Variants in HPS6 observed in about 807,000 individuals in gnomAD.
The protein encoded by HPS6 is HPS6 biogenesis of lysosomal organelles complex 2 subunit 3.
HPS6 carries 46 observed loss-of-function variants against 53.6 expected under a neutral mutation model. The observed-to-expected ratio is 0.86, with a 90% CI of 0.68 to 1.10. HPS6 has a LOEUF of 1.10. Among genes scored for constraint, HPS6 ranks in the 50% least tolerant of loss-of-function variants. HPS6 has a pLI of 0.00. For missense variants in HPS6, 1,034 were observed against 991.3 expected (o/e 1.04, Z -0.58); for synonymous variants, 535 against 470.8 (o/e 1.14, Z -1.77).
At position 102,066,520 on chromosome 10, in the gene HPS6, G is replaced by T; in HGVS notation, c.1046G>T (p.Ser349Ile). 6.2e-7 allele frequency: 1 copy of T among 1,614,214 alleles called. No homozygotes were observed. The highest frequency in any genetic ancestry group is 8.5e-7 in the Non-Finnish European group (1 of 1,180,036). Residue 349 changes from serine to isoleucine, a missense_variant, in exon 1 of 1, where the codon AGT becomes ATT. Physicochemically the swap from Ser to Ile is moderately radical, Grantham distance 142. Transcript: ENST00000299238. ...CAGCTGCTGGAGAGGAAGGTCCTAA[G>T]TACAGACAGGGTACATCTGCTAGAA... ...SGQLLERKVL[S>I]TDRVHLLEPP... is the part of the protein sequence containing the mutation.
chr10:102,065,455 C>T lies in HPS6; in HGVS notation c.-20C>T, dbSNP rs1364234553. 1.3e-6 allele frequency: 2 copies of T among 1,546,264 alleles called. No homozygotes were observed. The highest frequency in any genetic ancestry group is 1.7e-6 in the Non-Finnish European group (2 of 1,157,700). On this transcript the variant is annotated 5_prime_UTR_variant, in exon 1 of 1. Transcript: ENST00000299238. ...GCTGGACCTGGGCAAAGCCTGGGCGCGCTCCCGCGCAGCGGCGCCATGAAG... is the reference window on the plus strand; with the variant it reads ...GCTGGACCTGGGCAAAGCCTGGGCGTGCTCCCGCGCAGCGGCGCCATGAAG...
Position 102,065,935 on chromosome 10 carries a change from C to T in HPS6, c.461C>T (p.Ser154Leu), listed in dbSNP as rs779131347. ...GCCCGGGCCGAGGGCCCGTCAGGGTCGCCAGCAGCCGCTTTCAGCCACTGT... is the reference window on the plus strand; with the variant it reads ...GCCCGGGCCGAGGGCCCGTCAGGGTTGCCAGCAGCCGCTTTCAGCCACTGT... ...RQARAEGPSGSPAAAFSHCVC... is the reference protein window; with the variant it reads ...RQARAEGPSGLPAAAFSHCVC... The change falls in exon 1 of 1, where the codon TCG becomes TTG. Residue 154 changes from serine to leucine, a missense_variant. Transcript: ENST00000299238. The T allele has an allele frequency of 3.8e-6, 6 of 1,570,676 alleles. No homozygotes were observed. The highest frequency in any genetic ancestry group is 5.1e-6 in the Non-Finnish European group (6 of 1,167,930).
rs754843984 is a variant in HPS6 at position 102,067,608 on chromosome 10, C to T, written c.2134C>T (p.Leu712Phe). 3.1e-6 allele frequency: 5 copies of T among 1,613,788 alleles called. No individual in the cohort carries two copies. The South Asian group carries it at 3.3e-5, about 11-fold the overall frequency. The change falls in exon 1 of 1, where the codon CTC becomes TTC. Residue 712 changes from leucine to phenylalanine, a missense_variant. Leu to Phe is a conservative substitution (Grantham distance 22). Coordinates refer to ENST00000299238, the MANE Select transcript of HPS6 (RefSeq NM_024747.6). ...GCTCCTGCTTCTACTGAGGACATAC[C>T]TCCCAGATGAGGTGGGGCCCCCAAC... The part of the protein sequence containing the change: ...AELLLLLRTY[L>F]PDEVGPPTPF...
rs1300932704 is a variant in HPS6, at chr10:102,066,986, C to A, written c.1512C>A (p.Ala504=). The change falls in exon 1 of 1, where the codon GCC becomes GCA. Residue 504 remains alanine, a synonymous_variant. Coordinates refer to ENST00000299238, the MANE Select transcript of HPS6 (RefSeq NM_024747.6). ...CTGAGTTGATAGGAGACCAGCTAGCCCAGCTCAACACCGTTTTCCAAGCCC... is the reference window on the plus strand; with the variant it reads ...CTGAGTTGATAGGAGACCAGCTAGCACAGCTCAACACCGTTTTCCAAGCCC... ...LRTELIGDQL[A]QLNTVFQALP... The A allele has an allele frequency of 6.2e-7, 1 of 1,614,126 alleles. No individual in the cohort carries two copies.
rs1437166286 is a variant in HPS6, at chr10:102,065,825, C to T, written c.351C>T (p.Ser117=). 3 of 1,514,242 alleles carry T rather than the reference C, an allele frequency of 2.0e-6. No individual in the cohort carries two copies. In the South Asian group the frequency reaches 3.7e-5, roughly 19 times the overall value. The allele number at this position is 1,514,242 out of a possible 1,614,324, so 93.8% of individuals were successfully genotyped here. The change falls in exon 1 of 1, where the codon AGC becomes AGT. Residue 117 remains serine, a synonymous_variant. Transcript: ENST00000299238. ...GVGPGWRPLQ[S]TELCPGGGAR... ...GGCCTGGCTGGCGGCCGCTGCAGAG[C>T]ACCGAGCTGTGTCCGGGCGGGGGAG...
Position 102,067,796 on chromosome 10 carries a change from C to A in HPS6, c.2322C>A (p.Asp774Glu), listed in dbSNP as rs2136335426. 2 of 1,613,088 alleles carry A rather than the reference C, an allele frequency of 1.2e-6. No homozygotes were observed. Among genetic ancestry groups the A allele is most frequent in the Admixed American group, 3.3e-5 (2 of 60,022 alleles). Residue 774 changes from aspartate to glutamate, a missense_variant, in exon 1 of 1, where the codon GAC (aspartate) becomes GAA (glutamate). Asp to Glu is a conservative substitution (Grantham distance 45). Transcript: ENST00000299238. ...CTCCACCCCCGACTCCACCTCGGGACCTATGACTACCCTTCAGGCATCAGA... is the reference window on the plus strand; with the variant it reads ...CTCCACCCCCGACTCCACCTCGGGAACTATGACTACCCTTCAGGCATCAGA... ...PSTPPPTPPR[D>E]L
At position 102,066,890 on chromosome 10, in the gene HPS6, G is replaced by A; in HGVS notation, c.1416G>A (p.Leu472=). Residue 472 remains leucine, a synonymous_variant, in exon 1 of 1, where the codon CTG becomes CTA. Coordinates refer to ENST00000299238, the MANE Select transcript of HPS6 (RefSeq NM_024747.6). ...YRGLEQLKAQ[L]VAGDDEEAGW... is the part of the protein sequence containing the mutation. ...GCTTAGAACAGCTGAAGGCCCAGCTGGTGGCTGGGGATGATGAGGAGGCTG... is the reference window on the plus strand; with the variant it reads ...GCTTAGAACAGCTGAAGGCCCAGCTAGTGGCTGGGGATGATGAGGAGGCTG... The A allele has an allele frequency of 1.2e-6, 2 of 1,614,208 alleles. No homozygotes were observed. Among genetic ancestry groups the A allele is most frequent in the East Asian group, 2.2e-5 (1 of 44,884 alleles).
rs1440768034 is a variant in HPS6, at chr10:102,067,091, A to T, written c.1617A>T (p.Ala539=). The part of the protein sequence containing the change: ...LDGNGKLRSQ[A]PPDVWKKVLG... The stretch of plus-strand genomic sequence containing the variant: ...GGAATGGCAAGCTGAGGTCCCAAGC[A>T]CCCCCTGATGTGTGGAAGAAAGTGT... Residue 539 remains alanine (A), a synonymous_variant, in exon 1 of 1, where the codon GCA becomes GCT. Coordinates refer to ENST00000299238, the MANE Select transcript of HPS6 (RefSeq NM_024747.6). 4.3e-6 allele frequency: 7 copies of T among 1,613,804 alleles called. No homozygotes were observed. The African/African-American group carries it at 8.0e-5, about 18-fold the overall frequency.
At position 102,066,394 on chromosome 10, in the gene HPS6, C is replaced by T. The variant is rs376951578; in HGVS notation, c.920C>T (p.Ala307Val). 3.1e-6 allele frequency: 5 copies of T among 1,613,992 alleles called. No individual in the cohort carries two copies. The highest frequency in any genetic ancestry group is 4.2e-6 in the Non-Finnish European group (5 of 1,180,006). Residue 307 changes from alanine to valine, a missense_variant, in exon 1 of 1, where the codon GCA (alanine) becomes GTA (valine). Physicochemically the swap from Ala to Val is moderately conservative, Grantham distance 64. Coordinates refer to ENST00000299238, the MANE Select transcript of HPS6 (RefSeq NM_024747.6). Reference sequence around the variant, plus strand: ...CGGGCTGTGGGCACCCTGCAGGAGGCACCTGTAGGCCCGTGGGGGTCTGCA... The same window carrying T: ...CGGGCTGTGGGCACCCTGCAGGAGGTACCTGTAGGCCCGTGGGGGTCTGCA... ...GTRAVGTLQE[A>V]PVGPWGSAAL...
In HPS6 at chr10:102,067,964, G is replaced by A; in HGVS notation, c.*162G>A. On this transcript the variant is annotated 3_prime_UTR_variant, in exon 1 of 1. Coordinates refer to ENST00000299238, the MANE Select transcript of HPS6 (RefSeq NM_024747.6). ...TGGAGGGTCCCATGTATGGACCTGT[G>A]TATGCAATACTGTTCTGTCATCTGG... The A allele has an allele frequency of 1.3e-6, 1 of 777,340 alleles. No homozygotes were observed. The allele number at this position is 777,340 out of a possible 1,614,324, so 48.2% of individuals were successfully genotyped here.
In HPS6 at chr10:102,067,069, A is replaced by G. The variant is rs747363357; in HGVS notation, c.1595A>G (p.Asn532Ser). The G allele has an allele frequency of 3.1e-6, 5 of 1,614,198 alleles. No individual in the cohort carries two copies. Among genetic ancestry groups the G allele is most frequent in the Admixed American group, 1.7e-5 (1 of 60,024 alleles). The stretch of plus-strand genomic sequence containing the variant: ...GCCCTGCAGCTCCAGCTAGATGGGA[A>G]TGGCAAGCTGAGGTCCCAAGCACCC... Reference protein sequence around the residue: ...LRALQLQLDGNGKLRSQAPPD... With the variant: ...LRALQLQLDGSGKLRSQAPPD... The change falls in exon 1 of 1, where the codon AAT becomes AGT. Residue 532 changes from asparagine (N) to serine (S), a missense_variant. Coordinates refer to ENST00000299238, the MANE Select transcript of HPS6 (RefSeq NM_024747.6).
rs758228124 is a variant in HPS6 at position 102,066,654 on chromosome 10, G to A, written c.1180G>A (p.Val394Ile). 41 of 1,613,800 alleles carry A rather than the reference G, an allele frequency of 2.5e-5. 1 individual carries two copies. In the South Asian group the frequency reaches 4.4e-4, roughly 17 times the overall value. The stretch of plus-strand genomic sequence containing the variant: ...TGTGGGCTGGGAAGCCCCACAGGGT[G>A]TTGAGTTGCCTTCAGCCAAGGATCT... ...FCVGWEAPQGVELPSAKDLVF... is the reference protein window; with the variant it reads ...FCVGWEAPQGIELPSAKDLVF... Residue 394 changes from valine (V) to isoleucine (I), a missense_variant, in exon 1 of 1, where the codon GTT becomes ATT. Physicochemically the swap from Val to Ile is conservative, Grantham distance 29. Transcript: ENST00000299238.
In HPS6 at chr10:102,067,656, G is replaced by C. The variant is rs533100244; in HGVS notation, c.2182G>C (p.Glu728Gln). 8.7e-6 allele frequency: 14 copies of C among 1,613,976 alleles called. No homozygotes were observed. In the South Asian group the frequency reaches 1.5e-4, roughly 18 times the overall value. Reference protein sequence around the residue: ...PPTPFPEPGAEPPLTVGLLKA... With the variant: ...PPTPFPEPGAQPPLTVGLLKA... The stretch of plus-strand genomic sequence containing the variant: ...AACCCCATTCCCTGAGCCTGGAGCA[G>C]AGCCCCCTCTCACTGTGGGCTTGCT... Residue 728 changes from glutamate (E) to glutamine (Q), a missense_variant, in exon 1 of 1, where the codon GAG (glutamate) becomes CAG (glutamine). Glu to Gln is a conservative substitution (Grantham distance 29). Coordinates refer to ENST00000299238, the MANE Select transcript of HPS6 (RefSeq NM_024747.6).
rs754206212 is a variant in HPS6 at position 102,066,330 on chromosome 10, G to A, written c.856G>A (p.Gly286Arg). 2.5e-6 allele frequency: 4 copies of A among 1,613,928 alleles called. No homozygotes were observed. Among genetic ancestry groups the A allele is most frequent in the South Asian group, 2.2e-5 (2 of 91,078 alleles). The change falls in exon 1 of 1, where the codon GGG becomes AGG. Residue 286 changes from glycine (G) to arginine (R), a missense_variant. Coordinates refer to ENST00000299238, the MANE Select transcript of HPS6 (RefSeq NM_024747.6). ...CCAGGGCCTGCTGTTGCTTGACTTC[G>A]GGGGCACTGTGAGCCTATTGCAGTC... ...TPQGLLLLDF[G>R]GTVSLLQSHG...
Position 102,067,053 on chromosome 10 carries a change from C to T in HPS6, c.1579C>T (p.Leu527Phe), listed in dbSNP as rs1182778112. ...AWGATLRALQ[L>F]QLDGNGKLRS... ...GGGTGCCACCCTCAGGGCCCTGCAGCTCCAGCTAGATGGGAATGGCAAGCT... is the reference window on the plus strand; with the variant it reads ...GGGTGCCACCCTCAGGGCCCTGCAGTTCCAGCTAGATGGGAATGGCAAGCT... Residue 527 changes from leucine to phenylalanine, a missense_variant, in exon 1 of 1, where the codon CTC becomes TTC. Transcript: ENST00000299238. 5.6e-6 allele frequency: 9 copies of T among 1,614,086 alleles called. No individual in the cohort carries two copies. In the Admixed American group the frequency reaches 1.5e-4, roughly 27 times the overall value.
rs2067967771 is a variant in HPS6, at chr10:102,066,111, G to GC, written c.640dup (p.His214ProfsTer26). Reference sequence around the variant, plus strand: ...CACTGCCACCACCTGGCCTGGCGTGGCCCACGTTCTACTCATCTGGAGCCC... The same window carrying GC: ...CACTGCCACCACCTGGCCTGGCGTGGCCCCACGTTCTACTCATCTGGAGCCC... On this transcript the variant is annotated frameshift_variant, in exon 1 of 1. Coordinates refer to ENST00000299238, the MANE Select transcript of HPS6 (RefSeq NM_024747.6). LOFTEE classifies it high-confidence loss of function. 3 of 1,613,558 alleles carry GC rather than the reference G, an allele frequency of 1.9e-6. No individual in the cohort carries two copies. The East Asian group carries it at 6.7e-5, about 36-fold the overall frequency.
At position 102,065,848 on chromosome 10, in the gene HPS6, G is replaced by A. The variant is rs2067964470; in HGVS notation, c.374G>A (p.Gly125Glu). 1 of 1,520,398 alleles carries A rather than the reference G, an allele frequency of 6.6e-7. No individual in the cohort carries two copies. 94.2% of individuals were successfully genotyped at this position (1,520,398 alleles called of 1,614,324 possible). A position where few individuals can be genotyped will look rare whatever the true frequency, so the allele number is the denominator to read the frequency against. ...AGCACCGAGCTGTGTCCGGGCGGGG[G>A]AGCCCGCGTTGTGGCAGTGGCGGCG... ...LQSTELCPGG[G>E]ARVVAVAALR... The change falls in exon 1 of 1, where the codon GGA becomes GAA. Residue 125 changes from glycine (G) to glutamate (E), a missense_variant. By Grantham distance (98) the Gly-to-Glu change is moderately conservative. Transcript: ENST00000299238.
Position 102,065,911 on chromosome 10 carries a change from C to A in HPS6, c.437C>A (p.Ala146Asp). The change falls in exon 1 of 1, where the codon GCC becomes GAC. Residue 146 changes from alanine (A) to aspartate (D), a missense_variant. Transcript: ENST00000299238. ...CTGGTGTGGTGCGAGGAGCGGCAGG[C>A]CCGGGCCGAGGGCCCGTCAGGGTCG... ...GRLVWCEERQ[A>D]RAEGPSGSPA... 2 of 1,545,418 alleles carry A rather than the reference C, an allele frequency of 1.3e-6. No individual in the cohort carries two copies. Among genetic ancestry groups the A allele is most frequent in the Non-Finnish European group, 1.7e-6 (2 of 1,153,758 alleles).
In HPS6 at chr10:102,065,645, A is replaced by G; in HGVS notation, c.171A>G (p.Leu57=). 1 of 1,542,496 alleles carries G rather than the reference A, an allele frequency of 6.5e-7. No individual in the cohort carries two copies. Among genetic ancestry groups the G allele is most frequent in the Non-Finnish European group, 8.7e-7 (1 of 1,155,736 alleles). Residue 57 remains leucine (L), a synonymous_variant, in exon 1 of 1, where the codon CTA becomes CTG. Coordinates refer to ENST00000299238, the MANE Select transcript of HPS6 (RefSeq NM_024747.6). Reference sequence around the variant, plus strand: ...CTGGGGCGGTAGCCCCACAGCTGCTAGTCGCGTCGCGAGGGCCCGGCGCGG... The same window carrying G: ...CTGGGGCGGTAGCCCCACAGCTGCTGGTCGCGTCGCGAGGGCCCGGCGCGG... ...RPPGAVAPQL[L]VASRGPGAEL...
Sources: allele counts gnomAD v4.1 joint callset, GRCh38; gene constraint gnomAD v4.1.1; transcripts MANE v1.5; gene names NCBI Gene and HGNC (gene_info 2026-07-23, HGNC 2026-07-21).